The following DLGAP2 variants were observed in gnomAD, a reference collection of about 807,000 sequenced individuals.
DLGAP2 encodes DLG associated protein 2.
DLGAP2 carries 26 observed loss-of-function variants against 100.3 expected under a neutral mutation model. The observed-to-expected ratio is 0.26, with a 90% CI of 0.19 to 0.36. The LOEUF is 0.36. Among genes scored for constraint, DLGAP2 ranks in the 10% least tolerant of loss-of-function variants. The pLI, the probability that DLGAP2 is intolerant of heterozygous loss-of-function variation, is 1.00. For synonymous variants in DLGAP2, 886 were observed against 630.1 expected, an observed-to-expected ratio of 1.41 and a Z score of -6.08; for missense variants, 1,858 against 1,453.2, an observed-to-expected ratio of 1.28 and a Z score of -4.53.
intron 2 of DLGAP2, among the ~76,000 whole-genome samples, chr8:1,024,755 G>C (rs972737593): frequency 6.6e-6 from 1 of 152,210 alleles, no homozygotes; most frequent in Non-Finnish European, 1.5e-5. Flanking sequence ...AGGGTCCTCT[G>C]GGTGAAACGG....
At chr8:1,232,086 C>G (rs1005404323) in intron 2 of DLGAP2, among the ~76,000 whole-genome samples, 2 of 152,206 alleles carry the variant, frequency 1.3e-5, no homozygotes, top group African/African-American at 4.8e-5. Flanking sequence ...TCCTTTTTAA[C>G]TTTAATTTGA....
At chr8:895,826 G>A (rs1264312691) in intron 1 of DLGAP2, among the ~76,000 whole-genome samples, 9 of 130,394 alleles carry the variant, frequency 6.9e-5, no homozygotes, top group African/African-American at 2.7e-4. Flanking sequence ...GGCTAGGTAG[G>A]TGTGGGGCAG....
intron 3 of DLGAP2, among the ~76,000 whole-genome samples, chr8:1,403,786 G>A (rs1167933772): frequency 2.5e-3 from 28 of 11,250 alleles, no homozygotes; most frequent in Admixed American, 2.1e-3. Flanking sequence ...CATCCTCCAG[G>A]GTAGTGTATT....
Position 737,702 on chromosome 8 carries a change from C to G in DLGAP2, c.-106C>G. The G allele has an allele frequency of 2.7e-6, 1 of 371,006 alleles. No homozygotes were observed. The highest frequency in any genetic ancestry group is 4.8e-6 in the Non-Finnish European group (1 of 208,070). The allele number at this position is 371,006 out of a possible 1,614,324, so 23.0% of individuals were successfully genotyped here. A position where few individuals can be genotyped will look rare whatever the true frequency, so the allele number is the denominator to read the frequency against. ...CGGCGGCGAACGGACGGACGGACCG[C>G]GGACGGACGTACTGACCCCAACCCG... is the stretch of plus-strand genomic sequence containing the variant. On this transcript the variant is annotated 5_prime_UTR_variant, in exon 1 of 15. Transcript: ENST00000637795.
intron 1 of DLGAP2, among the ~76,000 whole-genome samples, chr8:813,394 A>G (rs900638372): frequency 6.6e-6 from 1 of 152,162 alleles, no homozygotes; most frequent in Non-Finnish European, 1.5e-5. Context: ...ATTACAGAAA[A>G]TATTATGTTG....
intron 6 of DLGAP2, among the ~76,000 whole-genome samples, chr8:1,624,144 G>C (rs976704115): frequency 1.3e-5 from 2 of 152,180 alleles, no homozygotes; most frequent in African/African-American, 4.8e-5. Flanking sequence ...CTAGAAGGCA[G>C]CTTCAATTTG....
At chr8:1,640,241 C>G (rs1797864719) in intron 8 of DLGAP2, among the ~76,000 whole-genome samples, 1 of 152,108 alleles carries the variant, frequency 6.6e-6, no homozygotes, top group South Asian at 2.1e-4. Flanking sequence ...CTGGCTCGGG[C>G]TGATGGACGC....
chr8:1,608,539 A>C (rs1382261196), intron 6 of DLGAP2, among the ~76,000 whole-genome samples: 25 of 115,924 alleles, frequency 2.2e-4, no homozygotes, highest in African/African-American at 5.7e-4. Context: ...AGCTGGATGG[A>C]GAATGACTTT....
At chr8:999,444 C>A (rs1800878194) in intron 2 of DLGAP2, among the ~76,000 whole-genome samples, 1 of 150,250 alleles carries the variant, frequency 6.7e-6, no homozygotes, top group Non-Finnish European at 1.5e-5. Context: ...TAGTTGCTGT[C>A]CTGATTTACC....
At chr8:1,391,296 G>A (rs1236351549) in intron 3 of DLGAP2, among the ~76,000 whole-genome samples, 5 of 152,168 alleles carry the variant, frequency 3.3e-5, no homozygotes, top group Admixed American at 6.5e-5. Context: ...GAAAGCAAAC[G>A]GCCTGAGGTA....
At chr8:1,263,129 T>C (rs1228627171) in intron 3 of DLGAP2, among the ~76,000 whole-genome samples, 1 of 152,176 alleles carries the variant, frequency 6.6e-6, no homozygotes, top group African/African-American at 2.4e-5. Flanking sequence ...GCTACAAAAA[T>C]GTTGGGATAC....
rs1024741201 is a variant in DLGAP2, at chr8:773,476, G to A, written c.18+35651G>A. 7.9e-5 allele frequency among the ~76,000 whole-genome samples: 12 copies of A among 151,318 alleles called. No individual in the cohort carries two copies. The South Asian group carries it at 8.4e-4, about 11-fold the overall frequency. On this transcript the variant is annotated intron_variant, in intron 1 of 14. Transcript: ENST00000637795. ...CTCGTCATCTAGCATTAGGTATATCGCCCAGTGCTATCCCTCCCCCCTCCC... is the reference window on the plus strand; with the variant it reads ...CTCGTCATCTAGCATTAGGTATATCACCCAGTGCTATCCCTCCCCCCTCCC...
At chr8:1,204,253 G>A (rs1007336548) in intron 2 of DLGAP2, among the ~76,000 whole-genome samples, 6 of 152,210 alleles carry the variant, frequency 3.9e-5, no homozygotes, top group Admixed American at 1.3e-4. Flanking sequence ...TAGATTCCGC[G>A]AGAGATTGAA....
At chr8:1,282,069 ACAT>A (rs1799826121) in intron 3 of DLGAP2, among the ~76,000 whole-genome samples, 2 of 93,206 alleles carry the variant, frequency 2.1e-5, no homozygotes, top group South Asian at 3.0e-4. Context: ...TGAACCCAGC[ACAT>A]GAACCATCCG....
chr8:1,465,955 A>T (rs189990341), intron 3 of DLGAP2, among the ~76,000 whole-genome samples: 2 of 152,230 alleles, frequency 1.3e-5, no homozygotes. Flanking sequence ...AGAAAGGAGC[A>T]GTGAACGGAG....
intron 2 of DLGAP2, among the ~76,000 whole-genome samples, chr8:996,925 T>C (rs924625002): frequency 6.6e-6 from 1 of 152,216 alleles, no homozygotes; most frequent in African/African-American, 2.4e-5. Flanking sequence ...TCACCATTTT[T>C]AGAATTTCGC....
intron 2 of DLGAP2, chr8:1,019,593 A>G (rs1230385045): frequency 6.6e-6 from 1 of 151,946 alleles, no homozygotes; most frequent in East Asian, 1.9e-4. Context: ...AAGGTGAGTT[A>G]TTCATGCTGG....
chr8:990,296 A>C (rs142608352), intron 2 of DLGAP2, among the ~76,000 whole-genome samples: 128 of 151,134 alleles, frequency 8.5e-4, no homozygotes, highest in African/African-American at 2.9e-3. Context: ...GAAGTTTTCT[A>C]TGAAAGTGGC....
At chr8:859,302 G>A (rs539706840) in intron 1 of DLGAP2, among the ~76,000 whole-genome samples, 5 of 152,216 alleles carry the variant, frequency 3.3e-5, no homozygotes, top group Admixed American at 2.6e-4. Flanking sequence ...AATATAGGCA[G>A]GGTTTCACCA....
Sources: gnomAD v4.1 joint callset for allele counts (sites outside exome capture counted in the v4.1 genomes callset) on GRCh38, gnomAD v4.1.1 for gene constraint, MANE v1.5 for transcripts, NCBI Gene and HGNC (gene_info 2026-07-23, HGNC 2026-07-21) for gene names.